LY75: variants seen among roughly 807,000 people sequenced by gnomAD.
The protein encoded by LY75 is lymphocyte antigen 75, also known as C-type lectin domain family 13 member B.
LY75 carries 185 observed loss-of-function variants against 231.7 expected under a neutral mutation model. That is an observed-to-expected ratio of 0.80 (90% CI 0.71 to 0.90). The LOEUF is 0.90. Among genes scored for constraint, LY75 ranks in the 40% least tolerant of loss-of-function variants. The pLI, the probability that LY75 is intolerant of heterozygous loss-of-function variation, is 0.00. For missense variants in LY75, 1,947 were observed against 2,050.2 expected (o/e 0.95, Z 0.97); for synonymous variants, 668 against 689.0 (o/e 0.97, Z 0.48).
chr2:159,890,138 T>C, intron 4 of LY75, 75 bp downstream of exon 4: 2 of 1,542,484 alleles, frequency 1.3e-6, no homozygotes, highest in Non-Finnish European at 1.7e-6. Context: ...GAAACACATC[T>C]GGATATGAAA....
intron 27 of LY75, among the ~76,000 whole-genome samples, chr2:159,833,547 CT>C (rs546553186): frequency 1.5e-4 from 23 of 152,222 alleles, no homozygotes; most frequent in South Asian, 1.2e-3. Flanking sequence ...TACTTTGTCA[CT>C]GATAATGTAG....
intron 13 of LY75, 125 bp downstream of exon 13, chr2:159,872,326 G>A: frequency 7.9e-7 from 1 of 1,258,722 alleles, no homozygotes; most frequent in Non-Finnish European, 1.1e-6. Context: ...AGCACCAAAT[G>A]ACCTTTTAGA....
At chr2:159,825,014 T>C (rs1307245741) in intron 28 of LY75, among the ~76,000 whole-genome samples, 1 of 152,012 alleles carries the variant, frequency 6.6e-6, no homozygotes, top group African/African-American at 2.4e-5. Flanking sequence ...AGGAAAGATC[T>C]AAAATTAACA....
At chr2:159,831,584 A>C (rs1683662170) in intron 28 of LY75, 86 bp downstream of exon 28, 1 of 1,396,682 alleles carries the variant, frequency 7.2e-7, no homozygotes, top group Admixed American at 2.0e-5. Flanking sequence ...ATTGATAGAC[A>C]TGTACTTTGA....
chr2:159,842,334 A>C lies in LY75; in HGVS notation c.3191T>G (p.Leu1064Arg). The change falls in exon 24 of 35, where the codon CTC (leucine) becomes CGC (arginine). Residue 1064 changes from leucine (L) to arginine (R), a missense_variant. Coordinates refer to ENST00000263636, the MANE Select transcript of LY75 (RefSeq NM_002349.4). ...EESRYHCALI[L>R]NLQKSPFTGT... ...AGTAAACGGTGATTTTTGGAGGTTG[A>C]GTATTAGGGCACAGTGGTAGCGAGA... is the stretch of plus-strand genomic sequence containing the variant. 3 of 1,612,724 alleles carry C rather than the reference A, an allele frequency of 1.9e-6. No homozygotes were observed. The highest frequency in any genetic ancestry group is 1.3e-5 in the African/African-American group (1 of 74,922).
At chr2:159,880,094 T>G (rs569142815) in intron 8 of LY75, among the ~76,000 whole-genome samples, 1 of 152,314 alleles carries the variant, frequency 6.6e-6, no homozygotes, top group East Asian at 1.9e-4. Context: ...ATGTGACACC[T>G]TTCTAAACTT....
chr2:159,874,652 T>TTTGTAAATATA, intron 12 of LY75, among the ~76,000 whole-genome samples: 1 of 132,684 alleles, frequency 7.5e-6, no homozygotes, highest in African/African-American at 2.8e-5. Flanking sequence ...TATATATATT[T>TTTGTAAATATA]TGTAAATATA....
intron 17 of LY75, 137 bp downstream of exon 17, chr2:159,854,767 G>C: frequency 7.6e-7 from 1 of 1,316,708 alleles, no homozygotes; most frequent in Non-Finnish European, 1.0e-6. Flanking sequence ...CATACCAGTC[G>C]CTCACCTTCC....
intron 25 of LY75, among the ~76,000 whole-genome samples, chr2:159,839,289 T>C (rs7574420): frequency 0.81 from 123,128 of 152,172 alleles, 50,341 homozygotes; most frequent in Admixed American, 0.89. Flanking sequence ...GGATATACCA[T>C]GGCTGAGAAA....
At chr2:159,856,525 G>A (rs888949435) in intron 16 of LY75, among the ~76,000 whole-genome samples, 1 of 152,132 alleles carries the variant, frequency 6.6e-6, no homozygotes, top group African/African-American at 2.4e-5. Flanking sequence ...TAATAACCAA[G>A]AAAATATCCA....
chr2:159,837,413 C>G (rs1683865575), intron 25 of LY75, among the ~76,000 whole-genome samples: 1 of 152,206 alleles, frequency 6.6e-6, no homozygotes, highest in Non-Finnish European at 1.5e-5. Flanking sequence ...ACCACATGTT[C>G]TCACTTATAT....
chr2:159,873,368 T>C (rs943681570), intron 12 of LY75, among the ~76,000 whole-genome samples: 1 of 152,108 alleles, frequency 6.6e-6, no homozygotes, highest in Non-Finnish European at 1.5e-5. Context: ...GGGATATTAG[T>C]GAAGGTAAAC....
intron 1 of LY75, chr2:159,902,980 A>G (rs6730255): frequency 0.22 from 33,965 of 152,206 alleles, 4,218 homozygotes; most frequent in Admixed American, 0.37. Context: ...GGTGCATGCC[A>G]TCACCAGCAT....
chr2:159,867,493 A>C (rs1256107213), intron 13 of LY75, among the ~76,000 whole-genome samples: 2 of 152,146 alleles, frequency 1.3e-5, no homozygotes, highest in African/African-American at 4.8e-5. Flanking sequence ...TCTCTTTATA[A>C]GTTCCTGGTA....
intron 28 of LY75, among the ~76,000 whole-genome samples, chr2:159,827,563 A>T (rs1683512002): frequency 6.6e-6 from 1 of 152,226 alleles, no homozygotes. Context: ...TTCCTTAAGG[A>T]TCTAGAACTA....
At chr2:159,852,450 C>T in intron 20 of LY75, 110 bp from the exon 21 acceptor site, 1 of 1,447,574 alleles carries the variant, frequency 6.9e-7, no homozygotes, top group Non-Finnish European at 9.2e-7. Flanking sequence ...CAGAGTCTCG[C>T]TCTGTTGCCC....
chr2:159,881,083 C>T lies in LY75; in HGVS notation c.1404G>A (p.Glu468=). 1 of 1,612,230 alleles carries T rather than the reference C, an allele frequency of 6.2e-7. No homozygotes were observed. Residue 468 remains glutamate, a splice_region_variant and synonymous_variant, in exon 8 of 35, where the codon GAG becomes GAA. Transcript: ENST00000263636. The stretch of plus-strand genomic sequence containing the variant: ...AAAGAAACCACAGGAGGTTTCGTAC[C>T]TCTCCTAAGTAGGAAACACAGTTGG... ...KTPNCVSYLG[E]LGQWKVQSCE... is the part of the protein sequence containing the mutation.
chr2:159,808,559 G>A lies in LY75; in HGVS notation c.4712C>T (p.Thr1571Ile). ...KLCSKHDHSA[T>I]IVSIKDEDEN... Reference sequence around the variant, plus strand: ...ATCTTCATCTTTTATGGAAACGATAGTTGCAGAGTGATCTGTTGAAAGAAA... The same window carrying A: ...ATCTTCATCTTTTATGGAAACGATAATTGCAGAGTGATCTGTTGAAAGAAA... Residue 1571 changes from threonine to isoleucine, a missense_variant, in exon 33 of 35, where the codon ACT (threonine) becomes ATT (isoleucine). By Grantham distance (89) the Thr-to-Ile change is moderately conservative (BLOSUM62 -1). Transcript: ENST00000263636. 6.2e-7 allele frequency: 1 copy of A among 1,613,410 alleles called. No homozygotes were observed. The highest frequency in any genetic ancestry group is 8.5e-7 in the Non-Finnish European group (1 of 1,179,914).
At chr2:159,835,669 C>T (rs779961406) in intron 25 of LY75, 24 bp from the exon 26 acceptor site, 23 of 1,607,860 alleles carry the variant, frequency 1.4e-5, no homozygotes, top group Non-Finnish European at 1.9e-5. Context: ...AAGTACATTT[C>T]AGGTGGCAAT....
Sources: gnomAD v4.1 joint callset for allele counts (sites outside exome capture counted in the v4.1 genomes callset) on GRCh38, gnomAD v4.1.1 for gene constraint, MANE v1.5 for transcripts, NCBI Gene and HGNC (gene_info 2026-07-23, HGNC 2026-07-21) for gene names.